The following POLA1 variants were observed in gnomAD, a reference collection of about 807,000 sequenced individuals.
POLA1 encodes the protein DNA polymerase alpha 1, catalytic subunit.
In POLA1, 15 loss-of-function variants were observed where a neutral mutation model predicts 124.0. The observed-to-expected ratio is 0.12, with a 90% CI of 0.08 to 0.19. The LOEUF is 0.19. Ranked by LOEUF, POLA1 falls within the 10% of genes least tolerant of loss-of-function variation. The pLI, the probability that POLA1 is intolerant of heterozygous loss-of-function variation, is 1.00. For missense variants in POLA1, 886 were observed against 1,103.4 expected (o/e 0.80, Z 2.79); for synonymous variants, 408 against 389.4 (o/e 1.05, Z -0.56).
chrX:24,880,790 G>A (rs1047225881), intron 34 of POLA1, among the ~76,000 whole-genome samples: 32 of 111,621 alleles, frequency 2.9e-4, no homozygotes, highest in African/African-American at 7.5e-4. Context: ...AGGGAACCCC[G>A]GAACATTTAT....
rs186099197 is a variant in POLA1, at chrX:24,756,625, C to G, written c.2964+7633C>G. ...TTGTCATATGAGAACTTCCCTCAAC[C>G]CAAGTAGAGTAAAGGGGAGGTCTGT... is the stretch of plus-strand genomic sequence containing the variant. On this transcript the variant is annotated intron_variant, in intron 26 of 36. Coordinates refer to ENST00000379068, the MANE Select transcript of POLA1 (RefSeq NM_001330360.2). 3.6e-5 allele frequency among the ~76,000 whole-genome samples: 4 copies of G among 110,653 alleles called. No individual in the cohort carries two copies. The East Asian group carries it at 1.1e-3, about 31-fold the overall frequency.
At chrX:24,841,969 G>A in intron 33 of POLA1, 139 bp downstream of exon 33, 1 of 423,217 alleles carries the variant, frequency 2.4e-6, no homozygotes, top group Non-Finnish European at 4.0e-6. Context: ...TTAGCATCAT[G>A]TGAAATCTAC....
chrX:24,882,106 G>A (rs899677031), intron 34 of POLA1, among the ~76,000 whole-genome samples: 7 of 110,857 alleles, frequency 6.3e-5, no homozygotes, highest in Non-Finnish European at 1.3e-4. Flanking sequence ...TCTGAGGTCT[G>A]GCTTTGATGA....
intron 26 of POLA1, chrX:24,788,827 A>G (rs1053753369): frequency 8.4e-7 from 1 of 1,192,717 alleles, no homozygotes; most frequent in Non-Finnish European, 1.1e-6. Context: ...CCACATCGGC[A>G]GGACCATACT....
intron 26 of POLA1, among the ~76,000 whole-genome samples, chrX:24,791,389 T>C (rs1233747541): frequency 1.8e-5 from 2 of 112,241 alleles, no homozygotes; most frequent in Admixed American, 9.4e-5. Flanking sequence ...TTGTTTTTGT[T>C]GTTGTTGTTT....
chrX:24,884,503 G>A (rs143033922), intron 34 of POLA1, among the ~76,000 whole-genome samples: 4,096 of 111,868 alleles, frequency 0.037, 95 homozygotes, highest in Non-Finnish European at 0.056. Context: ...TTAGCTAGCC[G>A]GTTGGCATTT....
chrX:24,914,541 A>T (rs2047501438), intron 35 of POLA1, among the ~76,000 whole-genome samples: 2 of 106,447 alleles, frequency 1.9e-5, no homozygotes, highest in Non-Finnish European at 3.8e-5. Context: ...AAAAAAAAAA[A>T]GGAAAGTCAT....
chrX:24,905,697 G>A (rs2047357293), intron 35 of POLA1, among the ~76,000 whole-genome samples: 1 of 108,975 alleles, frequency 9.2e-6, no homozygotes, highest in Admixed American at 9.8e-5. Flanking sequence ...TGAGTAGCTG[G>A]GATTATAGGC....
rs771895820 is a variant in POLA1, at chrX:24,720,242, C to T, written c.1087+2484C>T. Among the ~76,000 whole-genome samples the T allele has an allele frequency of 8.1e-5, 9 of 111,799 alleles. 1 individual carries two copies. In the South Asian group the frequency reaches 3.0e-3, roughly 37 times the overall value. On this transcript the variant is annotated intron_variant, in intron 10 of 36. Coordinates refer to ENST00000379068, the MANE Select transcript of POLA1 (RefSeq NM_001330360.2). Reference sequence around the variant, plus strand: ...CTGGGAGTGTACCTAAACCTCCAGACGGGTCTAGGAGCCCTTTCTCCTTGT... The same window carrying T: ...CTGGGAGTGTACCTAAACCTCCAGATGGGTCTAGGAGCCCTTTCTCCTTGT...
intron 18 of POLA1, among the ~76,000 whole-genome samples, chrX:24,736,679 C>G (rs1417435315): frequency 8.9e-6 from 1 of 111,812 alleles, no homozygotes; most frequent in Non-Finnish European, 1.9e-5. Flanking sequence ...ATAAAATTAA[C>G]TATGTTGACC....
At chrX:24,913,061 T>C (rs955399071) in intron 35 of POLA1, among the ~76,000 whole-genome samples, 3 of 112,386 alleles carry the variant, frequency 2.7e-5, no homozygotes, top group Non-Finnish European at 5.6e-5. Flanking sequence ...TGAATTCATA[T>C]ATGAATGTTT....
At chrX:24,981,848 A>G (rs1215864223) in intron 36 of POLA1, among the ~76,000 whole-genome samples, 1 of 112,560 alleles carries the variant, frequency 8.9e-6, no homozygotes, top group Non-Finnish European at 1.9e-5. Context: ...CAATAGACAG[A>G]CATAAATATA....
intron 35 of POLA1, among the ~76,000 whole-genome samples, chrX:24,893,849 G>A (rs575626767): frequency 2.7e-5 from 3 of 111,488 alleles, no homozygotes; most frequent in East Asian, 5.6e-4. Context: ...TTTTAATTAA[G>A]TAGACAGGTC....
At chrX:24,694,452 C>G (rs746473851) in intron 1 of POLA1, among the ~76,000 whole-genome samples, 4 of 112,551 alleles carry the variant, frequency 3.6e-5, no homozygotes, top group Non-Finnish European at 5.6e-5. Flanking sequence ...AAAGAAAGCT[C>G]TAAGTGCTGT....
chrX:24,876,526 G>C (rs1489266240), intron 34 of POLA1, among the ~76,000 whole-genome samples: 3 of 111,188 alleles, frequency 2.7e-5, no homozygotes, highest in Non-Finnish European at 5.7e-5. Context: ...AATGACTGTA[G>C]CTCCCTGTCT....
intron 35 of POLA1, among the ~76,000 whole-genome samples, chrX:24,892,062 G>A (rs1352370748): frequency 9.0e-6 from 1 of 111,135 alleles, no homozygotes; most frequent in Non-Finnish European, 1.9e-5. Context: ...GGCTCGCATT[G>A]CCAGAGTTAG....
chrX:24,722,707 C>A (rs947736338), intron 10 of POLA1, among the ~76,000 whole-genome samples: 1 of 111,161 alleles, frequency 9.0e-6, no homozygotes, highest in Non-Finnish European at 1.9e-5. Context: ...AAAATACTTT[C>A]CTTATGTTTG....
At chrX:24,711,899 A>G (rs1216984936) in intron 4 of POLA1, among the ~76,000 whole-genome samples, 1 of 110,642 alleles carries the variant, frequency 9.0e-6, no homozygotes, top group Non-Finnish European at 1.9e-5. Context: ...CGCCCAGCCC[A>G]CTACACATAA....
intron 26 of POLA1, among the ~76,000 whole-genome samples, chrX:24,793,277 C>CAAAA (rs144419886): frequency 2.3e-4 from 6 of 26,038 alleles, no homozygotes; most frequent in African/African-American, 5.3e-4. Flanking sequence ...GACTCCCTCT[C>CAAAA]AAAAAAAAAA....
Sources: allele counts gnomAD v4.1 joint callset (sites outside exome capture counted in the v4.1 genomes callset), GRCh38; gene constraint gnomAD v4.1.1; transcripts MANE v1.5; gene names NCBI Gene and HGNC (gene_info 2026-07-23, HGNC 2026-07-21).